The following KCNIP4 variants were observed in gnomAD, a reference collection of about 807,000 sequenced individuals.
KCNIP4 encodes potassium voltage-gated channel interacting protein 4.
KCNIP4 carries 12 observed loss-of-function variants against 34.0 expected under a neutral mutation model. The observed-to-expected ratio is 0.35, with a 90% CI of 0.23 to 0.57. The LOEUF is 0.57. KCNIP4 is among the 20% of genes least tolerant of loss of function. KCNIP4 has a pLI of 0.83. For synonymous variants in KCNIP4, 124 were observed against 102.2 expected (o/e 1.21, Z -1.29); for missense variants, 238 against 311.7 (o/e 0.76, Z 1.78).
chr4:20,926,496 A>G (rs535415519), intron 1 of KCNIP4, among the ~76,000 whole-genome samples: 1 of 152,344 alleles, frequency 6.6e-6, no homozygotes, highest in Non-Finnish European at 1.5e-5. Context: ...GTACATTGCA[A>G]GACACCTTCA....
In KCNIP4 at chr4:21,458,257, T is replaced by C. The variant is rs184084440; in HGVS notation, c.61+490314A>G. On this transcript the variant is annotated intron_variant, in intron 1 of 8. Coordinates refer to ENST00000382152, the MANE Select transcript of KCNIP4 (RefSeq NM_025221.6). ...GAATATGCGGTGTTTGGTTGTTTGTTCTTGCGATAGTTTACTGAGAATGAT... is the reference window on the plus strand; with the variant it reads ...GAATATGCGGTGTTTGGTTGTTTGTCCTTGCGATAGTTTACTGAGAATGAT... 6.2e-3 allele frequency among the ~76,000 whole-genome samples: 931 copies of C among 151,172 alleles called. 4 individuals carry two copies. Among genetic ancestry groups the C allele is most frequent in the African/African-American group, 0.022 (888 of 41,170 alleles).
intron 1 of KCNIP4, among the ~76,000 whole-genome samples, chr4:21,045,537 G>T (rs9995953): frequency 6.6e-6 from 1 of 152,074 alleles, no homozygotes; most frequent in Non-Finnish European, 1.5e-5. Context: ...CACCCAATTA[G>T]AAAGAGTCAA....
Position 20,922,891 on chromosome 4 carries a change from A to G in KCNIP4, c.62-40182T>C, listed in dbSNP as rs1170837491. On this transcript the variant is annotated intron_variant, in intron 1 of 8. Coordinates refer to ENST00000382152, the MANE Select transcript of KCNIP4 (RefSeq NM_025221.6). ...GTTATGTTCTTCTGGTGTACAAAAT[A>G]TCCCCTCCACTGTCTCTAAAAACCT... Among the ~76,000 whole-genome samples the G allele has an allele frequency of 2.0e-5, 3 of 152,192 alleles. No individual in the cohort carries two copies. The East Asian group carries it at 5.8e-4, about 29-fold the overall frequency.
At chr4:21,581,883 G>C (rs1741229418) in intron 1 of KCNIP4, among the ~76,000 whole-genome samples, 1 of 151,868 alleles carries the variant, frequency 6.6e-6, no homozygotes, top group African/African-American at 2.4e-5. Flanking sequence ...TCCAGGTCAT[G>C]ATCCATTAAT....
At chr4:21,486,216 G>A (rs114908241) in intron 1 of KCNIP4, among the ~76,000 whole-genome samples, 2,202 of 150,328 alleles carry the variant, frequency 0.015, 52 homozygotes, top group African/African-American at 0.049. Context: ...GGACTGACCT[G>A]ATATATGTTT....
At chr4:20,907,107 A>T (rs188189078) in intron 1 of KCNIP4, among the ~76,000 whole-genome samples, 14 of 152,364 alleles carry the variant, frequency 9.2e-5, no homozygotes, top group Admixed American at 8.5e-4. Context: ...CTACCTCAGT[A>T]GTCATGACCC....
chr4:20,762,572 C>T (rs1755042884), intron 3 of KCNIP4, among the ~76,000 whole-genome samples: 1 of 152,170 alleles, frequency 6.6e-6, no homozygotes. Flanking sequence ...GTGATCTCTC[C>T]ATAAAAGTGG....
chr4:21,106,506 T>C (rs1354603376), intron 1 of KCNIP4, among the ~76,000 whole-genome samples: 2 of 151,608 alleles, frequency 1.3e-5, no homozygotes, highest in African/African-American at 4.9e-5. Context: ...TTATTAGTCT[T>C]GCTAGCAGTC....
At chr4:21,121,988 C>A (rs567698480) in intron 1 of KCNIP4, among the ~76,000 whole-genome samples, 1 of 152,272 alleles carries the variant, frequency 6.6e-6, no homozygotes, top group Admixed American at 6.5e-5. Context: ...GAGTCACTGG[C>A]AGGCTCTGAT....
At chr4:21,464,467 G>A (rs933647206) in intron 1 of KCNIP4, among the ~76,000 whole-genome samples, 5 of 151,982 alleles carry the variant, frequency 3.3e-5, no homozygotes, top group Non-Finnish European at 5.9e-5. Context: ...ACTCAAGAGT[G>A]TGTTGCTTAA....
At chr4:21,111,392 G>C (rs1243131341) in intron 1 of KCNIP4, among the ~76,000 whole-genome samples, 1 of 152,222 alleles carries the variant, frequency 6.6e-6, no homozygotes, top group Non-Finnish European at 1.5e-5. Flanking sequence ...AAATTCAAAA[G>C]TAGGAAGTAA....
At chr4:20,854,864 T>C (rs1232976904) in intron 2 of KCNIP4, among the ~76,000 whole-genome samples, 2 of 152,198 alleles carry the variant, frequency 1.3e-5, no homozygotes, top group Non-Finnish European at 2.9e-5. Flanking sequence ...ATAGAGAAGC[T>C]TTAAAATATT....
chr4:21,359,475 C>A (rs1300208025), intron 1 of KCNIP4, among the ~76,000 whole-genome samples: 2 of 152,056 alleles, frequency 1.3e-5, no homozygotes, highest in East Asian at 3.9e-4. Context: ...GTGGCCCATG[C>A]TATCAGGCAT....
At chr4:21,217,149 C>T (rs1048483355) in intron 1 of KCNIP4, among the ~76,000 whole-genome samples, 1 of 152,106 alleles carries the variant, frequency 6.6e-6, no homozygotes, top group African/African-American at 2.4e-5. Context: ...AAGTAACTTG[C>T]CCAAGCCTCA....
At chr4:21,055,159 T>A (rs1743294465) in intron 1 of KCNIP4, among the ~76,000 whole-genome samples, 1 of 152,236 alleles carries the variant, frequency 6.6e-6, no homozygotes, top group East Asian at 1.9e-4. Context: ...AAATAGCATA[T>A]GAAAAGATGC....
intron 1 of KCNIP4, among the ~76,000 whole-genome samples, chr4:20,887,026 C>A (rs961684266): frequency 4.6e-5 from 7 of 151,852 alleles, no homozygotes. Flanking sequence ...TAAAGATAGT[C>A]ATAATAAGTA....
At chr4:20,786,250 C>A (rs1711975630) in intron 3 of KCNIP4, among the ~76,000 whole-genome samples, 1 of 151,978 alleles carries the variant, frequency 6.6e-6, no homozygotes, top group African/African-American at 2.4e-5. Flanking sequence ...GGCTTGGGAA[C>A]ACATGGACAT....
At chr4:21,516,752 T>C (rs894650954) in intron 1 of KCNIP4, among the ~76,000 whole-genome samples, 3 of 152,144 alleles carry the variant, frequency 2.0e-5, no homozygotes, top group African/African-American at 4.8e-5. Context: ...GAGAAGATTT[T>C]AGCAACACAT....
At chr4:21,198,311 A>G (rs1756207962) in intron 1 of KCNIP4, among the ~76,000 whole-genome samples, 1 of 152,220 alleles carries the variant, frequency 6.6e-6, no homozygotes, top group African/African-American at 2.4e-5. Context: ...CACTGCTAGC[A>G]TTAGTGCTCC....
Sources: allele counts gnomAD v4.1 joint callset (sites outside exome capture counted in the v4.1 genomes callset), GRCh38; gene constraint gnomAD v4.1.1; transcripts MANE v1.5; gene names NCBI Gene and HGNC (gene_info 2026-07-23, HGNC 2026-07-21).